The following DHRSX variants were observed in gnomAD, a reference collection of about 807,000 sequenced individuals.
The protein encoded by DHRSX is polyprenol dehydrogenase.
In DHRSX, 31 loss-of-function variants were observed where a neutral mutation model predicts 34.0. The observed-to-expected ratio is 0.91, with a 90% CI of 0.69 to 1.23. The LOEUF (loss-of-function observed/expected upper bound fraction) is 1.23. Among genes scored for constraint, DHRSX ranks in the 50% most tolerant of loss-of-function variants. The pLI is 0.00. For missense variants in DHRSX, 414 were observed against 428.1 expected (o/e 0.97, Z 0.29); for synonymous variants, 201 against 183.8 (o/e 1.09, Z -0.76).
chrX:2,299,748 G>A (rs774275273), intron 3 of DHRSX, among the ~76,000 whole-genome samples: 46 of 151,996 alleles, frequency 3.0e-4, no homozygotes, highest in South Asian at 2.1e-4. Flanking sequence ...CCAGATACTC[G>A]GGAGGCTGAG....
intron 3 of DHRSX, among the ~76,000 whole-genome samples, chrX:2,301,970 C>T (rs1345979197): frequency 6.6e-6 from 1 of 151,972 alleles, no homozygotes; most frequent in African/African-American, 2.4e-5. Flanking sequence ...CAGACCAACC[C>T]GTGGGGTCCC....
rs182749672 is a variant in DHRSX, at chrX:2,259,280, A to C, written c.596+7460T>G. Among the ~76,000 whole-genome samples, 525 of 149,616 alleles carry C rather than the reference A, an allele frequency of 3.5e-3. 2 individuals carry two copies. The highest frequency in any genetic ancestry group is 5.2e-3 in the Admixed American group (78 of 14,878). On this transcript the variant is annotated intron_variant, in intron 5 of 6. Transcript: ENST00000334651. ...AGAGCAAGACTCTGTCTCAAAAAAA[A>C]AATATATAGATAGATATATAGATAT...
chrX:2,355,328 A>G (rs2042835651), intron 3 of DHRSX, among the ~76,000 whole-genome samples: 1 of 152,114 alleles, frequency 6.6e-6, no homozygotes, highest in Non-Finnish European at 1.5e-5. Flanking sequence ...CCTGAGCAAC[A>G]TAGTGAGAGC....
intron 3 of DHRSX, among the ~76,000 whole-genome samples, chrX:2,323,144 G>A (rs955564188): frequency 1.3e-5 from 2 of 152,108 alleles, no homozygotes; most frequent in African/African-American, 4.8e-5. Flanking sequence ...AGACAGTCTT[G>A]AAGCTCAAAG....
chrX:2,471,759 C>T (rs1260550801), intron 1 of DHRSX, among the ~76,000 whole-genome samples: 4 of 152,102 alleles, frequency 2.6e-5, no homozygotes, highest in African/African-American at 7.2e-5. Flanking sequence ...TTTTCATGCA[C>T]ATCGCTTCAT....
At chrX:2,458,545 G>C (rs761975400) in intron 1 of DHRSX, among the ~76,000 whole-genome samples, 1 of 152,282 alleles carries the variant, frequency 6.6e-6, no homozygotes, top group South Asian at 2.1e-4. Flanking sequence ...GGGTGGGACT[G>C]AAAGATACAA....
intron 3 of DHRSX, among the ~76,000 whole-genome samples, chrX:2,367,159 G>A (rs1325102083): frequency 6.6e-6 from 1 of 152,132 alleles, no homozygotes; most frequent in Non-Finnish European, 1.5e-5. Flanking sequence ...AGAGATGCTA[G>A]CCGGGCGCAG....
intron 6 of DHRSX, among the ~76,000 whole-genome samples, chrX:2,226,040 C>T (rs1404552882): frequency 4.6e-5 from 7 of 152,122 alleles, no homozygotes; most frequent in Non-Finnish European, 8.8e-5. Context: ...GCCCAGCCCA[C>T]ACCTTCATCT....
rs1299836812 is a variant in DHRSX at position 2,255,113 on chromosome X, C to T, written c.596+11627G>A. Among the ~76,000 whole-genome samples, 117 of 152,048 alleles carry T rather than the reference C, an allele frequency of 7.7e-4. 1 individual carries two copies. Among genetic ancestry groups the T allele is most frequent in the Admixed American group, 4.3e-3 (65 of 15,230 alleles). ...CTGAGTAGCTGGGACTACAGTCACC[C>T]GTCACCACACCCAGCTAATTTTTGT... On this transcript the variant is annotated intron_variant, in intron 5 of 6. Coordinates refer to ENST00000334651, the MANE Select transcript of DHRSX (RefSeq NM_145177.3).
At chrX:2,324,889 C>T (rs1339542658) in intron 3 of DHRSX, among the ~76,000 whole-genome samples, 2 of 150,874 alleles carry the variant, frequency 1.3e-5, no homozygotes, top group African/African-American at 4.9e-5. Flanking sequence ...CTGCCTCAGC[C>T]TCCTAAGTAG....
At chrX:2,223,293 C>G (rs1396951620) in intron 6 of DHRSX, among the ~76,000 whole-genome samples, 1 of 152,206 alleles carries the variant, frequency 6.6e-6, no homozygotes, top group Non-Finnish European at 1.5e-5. Flanking sequence ...CCCCTGCACA[C>G]ACTCTCTTGC....
intron 6 of DHRSX, among the ~76,000 whole-genome samples, chrX:2,234,555 C>T (rs141789094): frequency 0.02 from 3,034 of 152,312 alleles, 96 homozygotes; most frequent in African/African-American, 0.068. Flanking sequence ...ATGCAATCAA[C>T]CTAAGTGTCT....
chrX:2,259,791 G>A (rs188165659), intron 5 of DHRSX, among the ~76,000 whole-genome samples: 27 of 151,666 alleles, frequency 1.8e-4, no homozygotes, highest in East Asian at 1.2e-3. Flanking sequence ...CCGTCTCCAC[G>A]TGGACTTCTC....
chrX:2,398,155 T>A (rs758297995), intron 3 of DHRSX, among the ~76,000 whole-genome samples: 60 of 152,248 alleles, frequency 3.9e-4, no homozygotes, highest in African/African-American at 1.4e-3. Context: ...GAGCTCATGG[T>A]GCTGCAGAAG....
At position 2,294,760 on chromosome X, in the gene DHRSX, CAGAG is replaced by C. The variant is rs1209412469; in HGVS notation, c.287-3161_287-3158del. Among the ~76,000 whole-genome samples, 12 of 137,720 alleles carry C rather than the reference CAGAG, an allele frequency of 8.7e-5. No individual in the cohort carries two copies. In the Admixed American group the frequency reaches 9.0e-4, roughly 10 times the overall value. 90.3% of individuals were successfully genotyped at this position (137,720 alleles called of 152,430 possible). ...AGAGAAAAGAAGACAAAGAGAGAGA[CAGAG>C]AAAGAGAGAGAGAGAGAGGAAAAAG... On this transcript the variant is annotated intron_variant, in intron 3 of 6. Coordinates refer to ENST00000334651, the MANE Select transcript of DHRSX (RefSeq NM_145177.3).
At chrX:2,451,012 G>C (rs1403354880) in intron 1 of DHRSX, among the ~76,000 whole-genome samples, 2 of 152,010 alleles carry the variant, frequency 1.3e-5, no homozygotes, top group Non-Finnish European at 2.9e-5. Flanking sequence ...GTCCCCACCA[G>C]ACACTGAATC....
intron 3 of DHRSX, among the ~76,000 whole-genome samples, chrX:2,330,762 A>G (rs2042461341): frequency 6.6e-6 from 1 of 151,894 alleles, no homozygotes; most frequent in Admixed American, 6.6e-5. Flanking sequence ...AGAAGAGGAA[A>G]GAAGACAGGG....
chrX:2,262,363 C>T (rs1478280294), intron 5 of DHRSX, among the ~76,000 whole-genome samples: 2 of 152,156 alleles, frequency 1.3e-5, no homozygotes, highest in Non-Finnish European at 2.9e-5. Context: ...ACGCACATGA[C>T]TCACCTGTGC....
intron 5 of DHRSX, among the ~76,000 whole-genome samples, chrX:2,246,940 T>C (rs1366415971): frequency 6.6e-6 from 1 of 152,016 alleles, no homozygotes; most frequent in African/African-American, 2.4e-5. Context: ...GAACAGAGAC[T>C]GATGTTGGTT....
Sources: allele counts gnomAD v4.1 joint callset (sites outside exome capture counted in the v4.1 genomes callset), GRCh38; gene constraint gnomAD v4.1.1; transcripts MANE v1.5; gene names NCBI Gene and HGNC (gene_info 2026-07-23, HGNC 2026-07-21).